PKM: variants seen among roughly 807,000 people sequenced by gnomAD.
PKM encodes the protein pyruvate kinase M1/2, also known as pyruvate kinase PKM.
In PKM, 18 loss-of-function variants were observed where a neutral mutation model predicts 49.8. The ratio of observed to expected loss-of-function variants is 0.36; its 90% confidence interval spans 0.25 to 0.54. The LOEUF is 0.54. PKM is among the 20% of genes least tolerant of loss of function. PKM has a pLI of 0.89. For synonymous variants in PKM, 239 were observed against 261.8 expected, an observed-to-expected ratio of 0.91 and a Z score of 0.84; for missense variants, 508 against 713.8, an observed-to-expected ratio of 0.71 and a Z score of 3.28.
At position 72,208,760 on chromosome 15, in the gene PKM, C is replaced by T; in HGVS notation, c.697G>A (p.Val233Ile). ...EKDIQDLKFGVEQDVDMVFAS... is the reference protein window; with the variant it reads ...EKDIQDLKFGIEQDVDMVFAS... Reference sequence around the variant, plus strand: ...AACACCATATCAACATCCTGCTCGACCCCAAACTTCAGATCCTGGATGTCC... The same window carrying T: ...AACACCATATCAACATCCTGCTCGATCCCAAACTTCAGATCCTGGATGTCC... Residue 233 changes from valine (V) to isoleucine (I), a missense_variant, in exon 6 of 11, where the codon GTC (valine) becomes ATC (isoleucine). Coordinates refer to ENST00000335181, the MANE Select transcript of PKM (RefSeq NM_002654.6). The T allele has an allele frequency of 6.2e-7, 1 of 1,614,164 alleles. No individual in the cohort carries two copies. Among genetic ancestry groups the T allele is most frequent in the Non-Finnish European group, 8.5e-7 (1 of 1,180,040 alleles).
At chr15:72,230,347 G>T (rs2082821043) in intron 1 of PKM, among the ~76,000 whole-genome samples, 1 of 152,162 alleles carries the variant, frequency 6.6e-6, no homozygotes. Flanking sequence ...CCCTCCGCCC[G>T]CCCGCCCCGG....
chr15:72,218,805 G>C, intron 2 of PKM, 139 bp downstream of exon 2: 1 of 826,790 alleles, frequency 1.2e-6, no homozygotes, highest in Non-Finnish European at 2.0e-6. Context: ...AACTTCCTAT[G>C]ACCTGAGTCC....
At chr15:72,211,990 G>C (rs2082265762) in intron 3 of PKM, among the ~76,000 whole-genome samples, 3 of 152,176 alleles carry the variant, frequency 2.0e-5, no homozygotes, top group African/African-American at 7.2e-5. Flanking sequence ...TTCACAGGAG[G>C]CTGGAGGGAG....
chr15:72,210,536 TC>T, intron 3 of PKM, 58 bp from the exon 4 acceptor site: 1 of 1,605,688 alleles, frequency 6.2e-7, no homozygotes, highest in Non-Finnish European at 8.5e-7. Context: ...CAGCTCCAAT[TC>T]CCCTGCCCAG....
At chr15:72,212,409 A>G (rs1052250018) in intron 3 of PKM, among the ~76,000 whole-genome samples, 1 of 152,036 alleles carries the variant, frequency 6.6e-6, no homozygotes, top group Non-Finnish European at 1.5e-5. Flanking sequence ...TAGGAGGCAG[A>G]AGTTGCAGTG....
At position 72,200,158 on chromosome 15, in the gene PKM, A is replaced by C. The variant is rs796777403; in HGVS notation, c.1489+316T>G. Among the ~76,000 whole-genome samples the C allele has an allele frequency of 2.1e-4, 32 of 151,982 alleles. No homozygotes were observed. The highest frequency in any genetic ancestry group is 7.7e-4 in the African/African-American group (32 of 41,436). ...AAAAAAAAAACAAAAAACAAAAAAA[A>C]CTCTCAGTAATGAGCAGATGCCAAA... is the stretch of plus-strand genomic sequence containing the variant. On this transcript the variant is annotated intron_variant, in intron 10 of 10. Coordinates refer to ENST00000335181, the MANE Select transcript of PKM (RefSeq NM_002654.6). The surrounding 1 kb of genome is among the most constrained non-coding windows in gnomAD (Gnocchi z 4.6).
chr15:72,209,531 A>G, intron 5 of PKM, 142 bp downstream of exon 5: 8 of 745,948 alleles, frequency 1.1e-5, no homozygotes, highest in South Asian at 1.0e-4. Context: ...CTTTGAGGAT[A>G]AATGAGTTAT....
In PKM at chr15:72,199,570, T is replaced by C; in HGVS notation, c.*80A>G. 1 of 977,536 alleles carries C rather than the reference T, an allele frequency of 1.0e-6. No homozygotes were observed. The highest frequency in any genetic ancestry group is 1.6e-6 in the Non-Finnish European group (1 of 610,094). 60.6% of individuals were successfully genotyped at this position (977,536 alleles called of 1,614,324 possible). On this transcript the variant is annotated 3_prime_UTR_variant, in exon 11 of 11. Coordinates refer to ENST00000335181, the MANE Select transcript of PKM (RefSeq NM_002654.6). Reference sequence around the variant, plus strand: ...GTGCCACGTTACAGCCCAGAGTGAGTTCTACAAGCGTTGCTGGCCTAATGG... The same window carrying C: ...GTGCCACGTTACAGCCCAGAGTGAGCTCTACAAGCGTTGCTGGCCTAATGG...
upstream of PKM, chr15:72,231,221 C>T (rs569618331): frequency 3.3e-4 from 57 of 170,242 alleles, no homozygotes; most frequent in African/African-American, 1.3e-3. Context: ...TCAAGGTTAT[C>T]CCGCTGCGGG....
intron 1 of PKM, 162 bp downstream of exon 1, chr15:72,230,954 G>A (rs1388734447): frequency 1.6e-6 from 2 of 1,286,900 alleles, no homozygotes; most frequent in South Asian, 2.5e-5. Context: ...CCAGGCGTGA[G>A]GAGCCGTTCT....
chr15:72,199,213 G>C lies in PKM; in HGVS notation c.*437C>G. ...GAGCTAGAGAAGCAAGTAAGGGCCA[G>C]GGCCAGAGTCGGCTTCAATGGAACA... On this transcript the variant is annotated 3_prime_UTR_variant, in exon 11 of 11. Transcript: ENST00000335181. 2.8e-6 allele frequency: 1 copy of C among 359,870 alleles called. No individual in the cohort carries two copies. The highest frequency in any genetic ancestry group is 2.1e-5 in the South Asian group (1 of 47,318). 22.3% of individuals were successfully genotyped at this position (359,870 alleles called of 1,614,324 possible).
At chr15:72,213,323 G>T (rs2082300763) in intron 3 of PKM, among the ~76,000 whole-genome samples, 1 of 152,174 alleles carries the variant, frequency 6.6e-6, no homozygotes, top group South Asian at 2.1e-4. Context: ...TGGTTTCAAA[G>T]AACACAGTGG....
At chr15:72,211,674 G>C (rs2082256364) in intron 3 of PKM, among the ~76,000 whole-genome samples, 1 of 151,964 alleles carries the variant, frequency 6.6e-6, no homozygotes, top group Non-Finnish European at 1.5e-5. Flanking sequence ...AAAATTAACT[G>C]TGCATGATGG....
intron 3 of PKM, among the ~76,000 whole-genome samples, chr15:72,213,248 CACTA>C (rs1232830237): frequency 5.3e-5 from 8 of 152,310 alleles, no homozygotes; most frequent in Admixed American, 3.3e-4. Flanking sequence ...TGGTCTAGCA[CACTA>C]ACTGTTAGTA....
At chr15:72,214,900 T>C (rs1429699198) in intron 3 of PKM, among the ~76,000 whole-genome samples, 1 of 152,020 alleles carries the variant, frequency 6.6e-6, no homozygotes, top group Admixed American at 6.6e-5. Context: ...AAGTGAGGGC[T>C]GAAGACTAGT....
At chr15:72,221,204 T>G (rs1215500443) in intron 1 of PKM, 8 of 1,535,326 alleles carry the variant, frequency 5.2e-6, no homozygotes, top group Non-Finnish European at 8.7e-7. Context: ...GGTGACATAA[T>G]GCTCCCCTTT....
At chr15:72,205,236 C>CA (rs1002424412) in intron 8 of PKM, among the ~76,000 whole-genome samples, 44 of 152,138 alleles carry the variant, frequency 2.9e-4, no homozygotes, top group African/African-American at 1.1e-3. Flanking sequence ...GCCCCAGCAT[C>CA]ACCCCCTCTC....
At chr15:72,203,282 CAG>C in intron 8 of PKM, 2 of 1,151,954 alleles carry the variant, frequency 1.7e-6, no homozygotes, top group Non-Finnish European at 2.6e-6. Flanking sequence ...GGGAATTTAT[CAG>C]AGAGGAAGGT....
chr15:72,202,462 C>T lies in PKM; in HGVS notation c.1299G>A (p.Lys433=), dbSNP rs1420940617. The part of the protein sequence containing the change: ...CCSGAIIVLT[K]SGRSAHQVAR... ...CCGCTGCCGCCTCCTACCTGCCAGA[C>T]TTGGTGAGGACGATTATGGCCCCAC... Residue 433 remains lysine (K), a synonymous_variant, in exon 9 of 11, where the codon AAG becomes AAA. Coordinates refer to ENST00000335181, the MANE Select transcript of PKM (RefSeq NM_002654.6). This position sits in a 1 kb window ranked among gnomAD's most constrained non-coding sequence, Gnocchi z 4.5. The T allele has an allele frequency of 3.7e-6, 6 of 1,612,924 alleles. No individual in the cohort carries two copies. The East Asian group carries it at 1.3e-4, about 36-fold the overall frequency.
Sources: gnomAD v4.1 joint callset for allele counts (sites outside exome capture counted in the v4.1 genomes callset) on GRCh38, gnomAD v4.1.1 for gene constraint, Gnocchi (gnomAD v3.1) non-coding constraint, MANE v1.5 for transcripts, NCBI Gene and HGNC (gene_info 2026-07-23, HGNC 2026-07-21) for gene names.